The following SLCO4C1 variants were observed in gnomAD, a reference collection of about 807,000 sequenced individuals.
SLCO4C1 encodes the protein solute carrier organic anion transporter family member 4C1.
SLCO4C1 carries 58 observed loss-of-function variants against 72.1 expected under a neutral mutation model. The observed-to-expected ratio is 0.80, with a 90% CI of 0.65 to 1.00. The LOEUF (loss-of-function observed/expected upper bound fraction) is 1.00. Among genes scored for constraint, SLCO4C1 ranks in the 50% least tolerant of loss-of-function variants. The pLI is 0.00. For synonymous variants in SLCO4C1, 297 were observed against 312.5 expected, an observed-to-expected ratio of 0.95 and a Z score of 0.52; for missense variants, 898 against 857.9, an observed-to-expected ratio of 1.05 and a Z score of -0.58.
intron 1 of SLCO4C1, among the ~76,000 whole-genome samples, chr5:102,294,449 A>G (rs1250789461): frequency 6.6e-6 from 1 of 152,212 alleles, no homozygotes; most frequent in Non-Finnish European, 1.5e-5. Flanking sequence ...TGACAATTAC[A>G]TTTGATAACA....
intron 2 of SLCO4C1, among the ~76,000 whole-genome samples, chr5:102,285,859 T>C (rs1749442326): frequency 6.6e-6 from 1 of 151,916 alleles, no homozygotes; most frequent in Non-Finnish European, 1.5e-5. Flanking sequence ...AAGTAAAAAA[T>C]AATATCAAAA....
At chr5:102,289,018 T>A (rs1200174036) in intron 2 of SLCO4C1, among the ~76,000 whole-genome samples, 1 of 152,210 alleles carries the variant, frequency 6.6e-6, no homozygotes, top group East Asian at 1.9e-4. Flanking sequence ...ATATATTGTA[T>A]GAATGGCAGA....
intron 3 of SLCO4C1, among the ~76,000 whole-genome samples, chr5:102,264,562 A>T (rs1749000010): frequency 6.6e-6 from 1 of 152,048 alleles, no homozygotes; most frequent in Non-Finnish European, 1.5e-5. Flanking sequence ...TACAATGTGT[A>T]ATGATCAAAT....
chr5:102,279,465 A>T (rs999473661), intron 2 of SLCO4C1, among the ~76,000 whole-genome samples: 1 of 152,022 alleles, frequency 6.6e-6, no homozygotes, highest in African/African-American at 2.4e-5. Flanking sequence ...TATAGGCTCA[A>T]ATAGTTTCAC....
intron 2 of SLCO4C1, among the ~76,000 whole-genome samples, chr5:102,290,016 C>T (rs1299833738): frequency 6.6e-6 from 1 of 152,084 alleles, no homozygotes; most frequent in Non-Finnish European, 1.5e-5. Flanking sequence ...ATTTGCATTG[C>T]TAAAAAGGAA....
intron 2 of SLCO4C1, among the ~76,000 whole-genome samples, chr5:102,290,424 T>C (rs1026054925): frequency 1.3e-5 from 2 of 152,202 alleles, no homozygotes; most frequent in Non-Finnish European, 2.9e-5. Flanking sequence ...AATGTATTCA[T>C]GAATGATCCA....
At chr5:102,263,647 A>G (rs753595298) in intron 4 of SLCO4C1, 37 bp downstream of exon 4, 1 of 1,525,010 alleles carries the variant, frequency 6.6e-7, no homozygotes, top group Non-Finnish European at 9.1e-7. Flanking sequence ...TTAAAATAAA[A>G]TGACTTTAAA....
At chr5:102,272,375 A>C (rs1257332319) in intron 2 of SLCO4C1, among the ~76,000 whole-genome samples, 1 of 152,152 alleles carries the variant, frequency 6.6e-6, no homozygotes, top group Admixed American at 6.6e-5. Context: ...ACAGTGCTTC[A>C]TGAAAAGCTC....
chr5:102,263,257 C>T (rs1748974559), intron 4 of SLCO4C1, among the ~76,000 whole-genome samples: 1 of 152,046 alleles, frequency 6.6e-6, no homozygotes, highest in South Asian at 2.1e-4. Context: ...GTTAAAATGG[C>T]ATAATTGTGA....
intron 8 of SLCO4C1, among the ~76,000 whole-genome samples, chr5:102,251,590 C>CAA (rs550261224): frequency 8.3e-5 from 12 of 144,458 alleles, no homozygotes; most frequent in South Asian, 2.2e-4. Flanking sequence ...ATCCCATTTC[C>CAA]AAAAAAAAAA....
intron 11 of SLCO4C1, 143 bp downstream of exon 11, chr5:102,240,575 C>T: frequency 1.5e-6 from 1 of 645,476 alleles, no homozygotes; most frequent in South Asian, 2.1e-5. Flanking sequence ...ATATCTGAAA[C>T]ATTGGAAAAT....
At position 102,270,777 on chromosome 5, in the gene SLCO4C1, T is replaced by C. The variant is rs1297352292; in HGVS notation, c.649A>G (p.Ser217Gly). Residue 217 changes from serine to glycine, a missense_variant, in exon 3 of 13, where the codon AGT becomes GGT. Transcript: ENST00000310954. ...DTCVTTRNST[S>G]CTSSTSSLSN... ...AGTGAAGAAGTTGAAGATGTACAAC[T>C]GGTGCTATTCCTTGTTGTTACACAA... 6.2e-7 allele frequency: 1 copy of C among 1,609,546 alleles called. No homozygotes were observed. The highest frequency in any genetic ancestry group is 8.5e-7 in the Non-Finnish European group (1 of 1,178,020).
chr5:102,260,309 T>A lies in SLCO4C1; in HGVS notation c.1032A>T (p.Glu344Asp), dbSNP rs150936480. The A allele has an allele frequency of 6.6e-4, 826 of 1,245,434 alleles. 6 individuals are homozygous for A. The African/African-American group carries it at 0.012, about 18-fold the overall frequency. 77.1% of individuals were successfully genotyped at this position (1,245,434 alleles called of 1,614,324 possible). Residue 344 changes from glutamate (E) to aspartate (D), a missense_variant, in exon 6 of 13, where the codon GAA (glutamate) becomes GAT (aspartate). Coordinates refer to ENST00000310954, the MANE Select transcript of SLCO4C1 (RefSeq NM_180991.5). The part of the protein sequence containing the change: ...CFPKHLPGTA[E>D]IQAGKTSQAH... Reference sequence around the variant, plus strand: ...CCTGGGAAGTTTTTCCAGCTTGAATTTCTGCTGTACCTAAAAAAAAAATAT... The same window carrying A: ...CCTGGGAAGTTTTTCCAGCTTGAATATCTGCTGTACCTAAAAAAAAAATAT...
At chr5:102,256,430 A>G (rs1317448663) in intron 8 of SLCO4C1, among the ~76,000 whole-genome samples, 1 of 152,212 alleles carries the variant, frequency 6.6e-6, no homozygotes, top group South Asian at 2.1e-4. Flanking sequence ...TTTCCTTGAC[A>G]GCCTCAAACA....
intron 2 of SLCO4C1, among the ~76,000 whole-genome samples, chr5:102,276,697 C>T (rs141480356): frequency 0.014 from 2,176 of 152,218 alleles, 30 homozygotes; most frequent in Middle Eastern, 0.02. Flanking sequence ...CTGTTCCTTG[C>T]AACTGGAAAG....
rs1439486787 is a variant in SLCO4C1 at position 102,263,823 on chromosome 5, C to T, written c.803-43G>A. 6 of 1,440,178 alleles carry T rather than the reference C, an allele frequency of 4.2e-6. No homozygotes were observed. The Admixed American group carries it at 7.3e-5, about 17-fold the overall frequency. 89.2% of individuals were successfully genotyped at this position (1,440,178 alleles called of 1,614,324 possible). A position where few individuals can be genotyped will look rare whatever the true frequency, so the allele number is the denominator to read the frequency against. Reference sequence around the variant, plus strand: ...ACATTGAATACAGTCATATGTACAACTTCACTTTGCATATCTAACAGTGAA... The same window carrying T: ...ACATTGAATACAGTCATATGTACAATTTCACTTTGCATATCTAACAGTGAA... On this transcript the variant is annotated intron_variant, in intron 3 of 12. Coordinates refer to ENST00000310954, the MANE Select transcript of SLCO4C1 (RefSeq NM_180991.5).
At chr5:102,268,148 T>C (rs1749077928) in intron 3 of SLCO4C1, among the ~76,000 whole-genome samples, 1 of 152,144 alleles carries the variant, frequency 6.6e-6, no homozygotes, top group Non-Finnish European at 1.5e-5. Context: ...TTCACTGATT[T>C]TCTGCCTAGA....
rs139786996 is a variant in SLCO4C1 at position 102,261,986 on chromosome 5, A to G, written c.947T>C (p.Ile316Thr). ...AAAGATCCATGATAGAAGAAACCCA[A>G]TCCACCAAGCTCCCAACCATCGCGG... ...DDPRWLGAWW[I>T]GFLLSWIFAW... Residue 316 changes from isoleucine (I) to threonine (T), a missense_variant, in exon 5 of 13, where the codon ATT becomes ACT. Physicochemically the swap from Ile to Thr is moderately conservative, Grantham distance 89. Coordinates refer to ENST00000310954, the MANE Select transcript of SLCO4C1 (RefSeq NM_180991.5). 1.6e-4 allele frequency: 256 copies of G among 1,613,080 alleles called. No individual in the cohort carries two copies. In the African/African-American group the frequency reaches 2.3e-3, roughly 15 times the overall value.
chr5:102,262,364 T>C (rs1316928763), intron 4 of SLCO4C1, among the ~76,000 whole-genome samples: 1 of 152,196 alleles, frequency 6.6e-6, no homozygotes, highest in African/African-American at 2.4e-5. Flanking sequence ...TCTACTGTAT[T>C]AAATTAAATA....
Sources: gnomAD v4.1 joint callset for allele counts (sites outside exome capture counted in the v4.1 genomes callset) on GRCh38, gnomAD v4.1.1 for gene constraint, MANE v1.5 for transcripts, NCBI Gene and HGNC (gene_info 2026-07-23, HGNC 2026-07-21) for gene names.